PPP6R3: variants seen among roughly 807,000 people sequenced by gnomAD.
PPP6R3 encodes the protein serine/threonine-protein phosphatase 6 regulatory subunit 3.
Under a neutral mutation model 110.7 loss-of-function variants are expected in PPP6R3, and 38 were observed. The observed-to-expected ratio is 0.34, with a 90% CI of 0.26 to 0.45. The LOEUF (loss-of-function observed/expected upper bound fraction) is 0.45, where lower values mean the gene tolerates loss of function less well. PPP6R3 is among the 20% of genes least tolerant of loss of function. The pLI, the probability that PPP6R3 is intolerant of heterozygous loss-of-function variation, is 1.00. For synonymous variants in PPP6R3, 369 were observed against 373.5 expected, an observed-to-expected ratio of 0.99 and a Z score of 0.14; for missense variants, 870 against 1,062.4, an observed-to-expected ratio of 0.82 and a Z score of 2.52.
At chr11:68,612,213 T>TCATA (rs1424834844) in intron 23 of PPP6R3, among the ~76,000 whole-genome samples, 1 of 152,206 alleles carries the variant, frequency 6.6e-6, no homozygotes, top group Non-Finnish European at 1.5e-5. Flanking sequence ...CCTATGTCTC[T>TCATA]CATACACGGA....
At chr11:68,478,935 C>T (rs1330447504) in intron 1 of PPP6R3, among the ~76,000 whole-genome samples, 2 of 152,212 alleles carry the variant, frequency 1.3e-5, no homozygotes, top group Non-Finnish European at 2.9e-5. Context: ...GGATTACAGG[C>T]ATGAGCCACC....
intron 1 of PPP6R3, among the ~76,000 whole-genome samples, chr11:68,502,359 C>T (rs2099053177): frequency 6.6e-6 from 1 of 152,084 alleles, no homozygotes; most frequent in African/African-American, 2.4e-5. Context: ...TGAAACTAGT[C>T]ATATTTCAAG....
chr11:68,487,787 A>T (rs953723917), intron 1 of PPP6R3, among the ~76,000 whole-genome samples: 1 of 152,158 alleles, frequency 6.6e-6, no homozygotes, highest in Non-Finnish European at 1.5e-5. Context: ...TAAGGCTCAT[A>T]GTGTGGGCTC....
At chr11:68,500,046 T>C (rs2099040047) in intron 1 of PPP6R3, among the ~76,000 whole-genome samples, 1 of 152,224 alleles carries the variant, frequency 6.6e-6, no homozygotes, top group Non-Finnish European at 1.5e-5. Flanking sequence ...TTGTCCATTA[T>C]ATTTTGAAGA....
chr11:68,600,299 G>T, intron 19 of PPP6R3, 42 bp from the exon 20 acceptor site: 1 of 1,583,544 alleles, frequency 6.3e-7, no homozygotes, highest in South Asian at 1.1e-5. Flanking sequence ...TACATGAAAC[G>T]ACTGAAGTGT....
At chr11:68,588,260 G>T (rs1242050055) in intron 16 of PPP6R3, among the ~76,000 whole-genome samples, 1 of 151,992 alleles carries the variant, frequency 6.6e-6, no homozygotes, top group South Asian at 2.1e-4. Context: ...GCACTTTGGG[G>T]GGCTGAGGCA....
intron 5 of PPP6R3, 68 bp downstream of exon 5, chr11:68,548,272 G>A (rs561683280): frequency 1.6e-5 from 26 of 1,583,614 alleles, no homozygotes; most frequent in Admixed American, 8.7e-5. Context: ...CCAGGCTGCT[G>A]TGTGCTGGGA....
At chr11:68,548,478 G>T (rs553440628) in intron 5 of PPP6R3, among the ~76,000 whole-genome samples, 2 of 152,218 alleles carry the variant, frequency 1.3e-5, no homozygotes, top group South Asian at 2.1e-4. Flanking sequence ...TTTTATGGGG[G>T]TGGTGAGACT....
chr11:68,560,894 CTTTT>C (rs11295490), intron 8 of PPP6R3, among the ~76,000 whole-genome samples: 5 of 117,894 alleles, frequency 4.2e-5, no homozygotes, highest in African/African-American at 1.6e-4. Context: ...TTCCTTATAC[CTTTT>C]TTTTTTTTTT....
In PPP6R3 at chr11:68,558,578, A is replaced by G; in HGVS notation, c.744A>G (p.Ile248Met). 6.2e-7 allele frequency: 1 copy of G among 1,610,926 alleles called. No homozygotes were observed. The highest frequency in any genetic ancestry group is 8.5e-7 in the Non-Finnish European group (1 of 1,177,682). ...TTTGTTTCCCTAGGCAAGAAATTAT[A>G]GAGCAGCTTCTATCAAATATTTTCC... The part of the protein sequence containing the change: ...LLATLEKQEI[I>M]EQLLSNIFHK... Residue 248 changes from isoleucine (I) to methionine (M), a missense_variant, in exon 8 of 24, where the codon ATA becomes ATG. Coordinates refer to ENST00000393800, the MANE Select transcript of PPP6R3 (RefSeq NM_001164161.2).
At chr11:68,533,546 T>C (rs1592680407) in intron 2 of PPP6R3, among the ~76,000 whole-genome samples, 1 of 151,064 alleles carries the variant, frequency 6.6e-6, no homozygotes, top group African/African-American at 2.4e-5. Context: ...TCTACAGAAG[T>C]ACAAAAAAAT....
At chr11:68,488,458 G>A (rs576275946) in intron 1 of PPP6R3, among the ~76,000 whole-genome samples, 100 of 152,292 alleles carry the variant, frequency 6.6e-4, no homozygotes, top group African/African-American at 2.4e-3. Flanking sequence ...ATAGGTGTGA[G>A]CCCAGCCCCC....
intron 1 of PPP6R3, among the ~76,000 whole-genome samples, chr11:68,493,421 G>A (rs1325364940): frequency 6.6e-6 from 1 of 151,272 alleles, no homozygotes; most frequent in African/African-American, 2.4e-5. Context: ...TAATCAAAAG[G>A]TGCTGCCATT....
intron 7 of PPP6R3, among the ~76,000 whole-genome samples, chr11:68,557,680 G>C (rs931436311): frequency 6.6e-6 from 1 of 152,034 alleles, no homozygotes; most frequent in South Asian, 2.1e-4. Flanking sequence ...CACGAGGCCC[G>C]GCTAATTTTT....
intron 1 of PPP6R3, among the ~76,000 whole-genome samples, chr11:68,470,337 C>G (rs769792470): frequency 5.3e-5 from 8 of 151,838 alleles, no homozygotes; most frequent in Non-Finnish European, 1.0e-4. Context: ...GTAGGGGCAG[C>G]ATTATAGGCG....
intron 1 of PPP6R3, among the ~76,000 whole-genome samples, chr11:68,516,077 A>G (rs1265147506): frequency 6.6e-6 from 1 of 152,166 alleles, no homozygotes; most frequent in East Asian, 1.9e-4. Flanking sequence ...GCCTTTATTC[A>G]AAATACATTT....
At chr11:68,524,926 A>C (rs2099188332) in intron 2 of PPP6R3, among the ~76,000 whole-genome samples, 1 of 152,204 alleles carries the variant, frequency 6.6e-6, no homozygotes, top group Non-Finnish European at 1.5e-5. Flanking sequence ...ACAGAGGCAC[A>C]TGGTTCCTCT....
At chr11:68,572,420 A>T (rs2099510980) in intron 12 of PPP6R3, among the ~76,000 whole-genome samples, 1 of 152,122 alleles carries the variant, frequency 6.6e-6, no homozygotes, top group Admixed American at 6.5e-5. Context: ...GCTGTGGGTC[A>T]CCTTAGAGAT....
intron 1 of PPP6R3, among the ~76,000 whole-genome samples, chr11:68,494,463 A>G (rs1231166147): frequency 2.2e-4 from 33 of 151,440 alleles, no homozygotes; most frequent in Admixed American, 2.2e-3. Context: ...TGTATCAGCA[A>G]TAGATGAGTG....
Sources: gnomAD v4.1 joint callset for allele counts (sites outside exome capture counted in the v4.1 genomes callset) on GRCh38, gnomAD v4.1.1 for gene constraint, MANE v1.5 for transcripts, NCBI Gene and HGNC (gene_info 2026-07-23, HGNC 2026-07-21) for gene names.